Variants in MTNR1B observed in about 807,000 individuals in gnomAD.
MTNR1B encodes the protein melatonin receptor 1B.
Under a neutral mutation model 7.0 loss-of-function variants are expected in MTNR1B, and 7 were observed. The observed-to-expected ratio is 1.00, with a 90% CI of 0.57 to 1.88. MTNR1B has a LOEUF of 1.88. MTNR1B is among the 40% of genes most tolerant of loss of function. MTNR1B has a pLI of 0.00. For synonymous variants in MTNR1B, 226 were observed against 208.2 expected, an observed-to-expected ratio of 1.09 and a Z score of -0.74; for missense variants, 478 against 486.5, an observed-to-expected ratio of 0.98 and a Z score of 0.16.
At chr11:92,975,165 C>G (rs866524642) in intron 1 of MTNR1B, among the ~76,000 whole-genome samples, 18 of 152,310 alleles carry the variant, frequency 1.2e-4, no homozygotes, top group African/African-American at 3.8e-4. Context: ...AGAACCATGT[C>G]CTCACTGTAA....
chr11:92,970,090 T>A, intron 1 of MTNR1B, 142 bp downstream of exon 1: 2 of 1,201,850 alleles, frequency 1.7e-6, no homozygotes, highest in Non-Finnish European at 2.1e-6. Context: ...ATTCCTTAAG[T>A]TTGACTCTGC....
At chr11:92,978,727 A>C (rs755966235) in intron 1 of MTNR1B, among the ~76,000 whole-genome samples, 4 of 152,234 alleles carry the variant, frequency 2.6e-5, no homozygotes, top group Non-Finnish European at 4.4e-5. Flanking sequence ...TTTTAGGAAC[A>C]GCCAGAGTAA....
chr11:92,971,627 G>A (rs972457131), intron 1 of MTNR1B, among the ~76,000 whole-genome samples: 1 of 152,104 alleles, frequency 6.6e-6, no homozygotes, highest in Non-Finnish European at 1.5e-5. Flanking sequence ...CTGACTTATT[G>A]AGTATTTAGA....
rs779893016 is a variant in MTNR1B at position 92,969,836 on chromosome 11, C to T, written c.111C>T (p.Pro37=). Residue 37 remains proline, a synonymous_variant, in exon 1 of 2, where the codon CCC becomes CCT. Coordinates refer to ENST00000257068, the MANE Select transcript of MTNR1B (RefSeq NM_005959.5). Reference sequence around the variant, plus strand: ...GGCCCTCCAGGACCCCTCGACCTCCCTGGGTGGCTCCAGCGCTGTCCGCGG... The same window carrying T: ...GGCCCTCCAGGACCCCTCGACCTCCTTGGGTGGCTCCAGCGCTGTCCGCGG... The part of the protein sequence containing the change: ...SARPSRTPRP[P]WVAPALSAVL... The T allele has an allele frequency of 1.2e-6, 2 of 1,606,940 alleles. No homozygotes were observed. Among genetic ancestry groups the T allele is most frequent in the Non-Finnish European group, 1.7e-6 (2 of 1,177,834 alleles).
chr11:92,975,712 A>C (rs1292919772), intron 1 of MTNR1B, among the ~76,000 whole-genome samples: 1 of 152,224 alleles, frequency 6.6e-6, no homozygotes, highest in Non-Finnish European at 1.5e-5. Context: ...CTTAATAAGC[A>C]GCATGGTTCT....
At chr11:92,981,093 A>G (rs1042732717) in intron 1 of MTNR1B, among the ~76,000 whole-genome samples, 4 of 152,216 alleles carry the variant, frequency 2.6e-5, no homozygotes, top group African/African-American at 9.7e-5. Context: ...TGGAGCTTAA[A>G]TGGTGCAAAG....
intron 1 of MTNR1B, among the ~76,000 whole-genome samples, chr11:92,979,829 A>C (rs1160557485): frequency 6.6e-6 from 1 of 152,140 alleles, no homozygotes; most frequent in Non-Finnish European, 1.5e-5. Flanking sequence ...TCCCATCCCC[A>C]TTCGGACCAT....
At chr11:92,978,223 C>T (rs370592790) in intron 1 of MTNR1B, among the ~76,000 whole-genome samples, 1 of 152,220 alleles carries the variant, frequency 6.6e-6, no homozygotes, top group East Asian at 1.9e-4. Flanking sequence ...TAGCTCAGCA[C>T]TGGCTGGCTC....
chr11:92,971,420 T>C (rs1233299061), intron 1 of MTNR1B, among the ~76,000 whole-genome samples: 2 of 152,216 alleles, frequency 1.3e-5, no homozygotes, highest in Non-Finnish European at 2.9e-5. Flanking sequence ...CAAAATATTG[T>C]GTCCTTTGAA....
intron 1 of MTNR1B, among the ~76,000 whole-genome samples, chr11:92,975,282 G>A (rs1395102778): frequency 6.6e-6 from 1 of 152,206 alleles, no homozygotes; most frequent in African/African-American, 2.4e-5. Context: ...CAGAAGCTGT[G>A]GTCTGACAAT....
At chr11:92,974,607 A>T (rs1016631263) in intron 1 of MTNR1B, among the ~76,000 whole-genome samples, 16 of 144,148 alleles carry the variant, frequency 1.1e-4, no homozygotes, top group Admixed American at 1.1e-3. Flanking sequence ...CACCTGGCTA[A>T]TTTTTTTTTT....
At chr11:92,977,870 T>C (rs769413963) in intron 1 of MTNR1B, among the ~76,000 whole-genome samples, 1 of 152,184 alleles carries the variant, frequency 6.6e-6, no homozygotes, top group Non-Finnish European at 1.5e-5. Flanking sequence ...TTTAACACTG[T>C]TAGAAAACAT....
downstream of MTNR1B, among the ~76,000 whole-genome samples, chr11:92,983,487 TG>T (rs1858152550): frequency 7.1e-6 from 1 of 141,326 alleles, no homozygotes; most frequent in Admixed American, 7.4e-5. Context: ...TACCCCAGAC[TG>T]GGTGACAAAG....
chr11:92,972,387 A>T (rs151217753), intron 1 of MTNR1B: 5 of 456,224 alleles, frequency 1.1e-5, no homozygotes, highest in Non-Finnish European at 2.2e-5. Flanking sequence ...TATGGAGCAG[A>T]TCTGTATCAT....
rs377626851 is a variant in MTNR1B at position 92,981,549 on chromosome 11, G to A, written c.326G>A (p.Gly109Glu). The A allele has an allele frequency of 6.2e-6, 10 of 1,614,052 alleles. No individual in the cohort carries two copies. The African/African-American group carries it at 1.1e-4, about 17-fold the overall frequency. Residue 109 changes from glycine to glutamate, a missense_variant, in exon 2 of 2, where the codon GGG becomes GAG. Gly to Glu is a moderately conservative substitution (Grantham distance 98). Transcript: ENST00000257068. ...ATCTTCTATGACGGCTGGGCCCTGGGGGAGGAGCACTGCAAGGCCAGCGCC... is the reference window on the plus strand; with the variant it reads ...ATCTTCTATGACGGCTGGGCCCTGGAGGAGGAGCACTGCAAGGCCAGCGCC... Reference protein sequence around the residue: ...VAIFYDGWALGEEHCKASAFV... With the variant: ...VAIFYDGWALEEEHCKASAFV...
downstream of MTNR1B, among the ~76,000 whole-genome samples, chr11:92,983,475 T>C (rs970729173): frequency 2.0e-5 from 3 of 148,834 alleles, no homozygotes; most frequent in African/African-American, 5.0e-5. Context: ...ATTGTGCCAC[T>C]GTACCCCAGA....
intron 1 of MTNR1B, among the ~76,000 whole-genome samples, chr11:92,980,611 A>G (rs1449396100): frequency 2.0e-5 from 3 of 152,144 alleles, no homozygotes; most frequent in Admixed American, 6.5e-5. Context: ...TGGTTGACCA[A>G]GCTTGGTGAT....
In MTNR1B at chr11:92,982,215, A is replaced by C. The variant is rs986188619; in HGVS notation, c.992A>C (p.His331Pro). Residue 331 changes from histidine to proline, a missense_variant, in exon 2 of 2, where the codon CAC becomes CCC. His to Pro is a moderately conservative substitution (Grantham distance 77). Coordinates refer to ENST00000257068, the MANE Select transcript of MTNR1B (RefSeq NM_005959.5). ...CTCTTGGCCCTTTGGAACCCACGGC[A>C]CTGCATTCAAGATGCTTCCAAGGGC... ...RILLALWNPR[H>P]CIQDASKGSH... is the part of the protein sequence containing the mutation. 2.5e-6 allele frequency: 4 copies of C among 1,614,076 alleles called. No homozygotes were observed. The African/African-American group carries it at 4.0e-5, about 16-fold the overall frequency.
chr11:92,982,580 A>G lies in MTNR1B; in HGVS notation c.*268A>G. ...GTGCACACAAGACCAAGGAAAGGAC[A>G]GAATGAGGAAAGGCCTGGGGCAGAA... On this transcript the variant is annotated 3_prime_UTR_variant, in exon 2 of 2. Transcript: ENST00000257068. The G allele has an allele frequency of 4.2e-6, 2 of 476,810 alleles. No homozygotes were observed. Among genetic ancestry groups the G allele is most frequent in the South Asian group, 6.3e-5 (2 of 31,920 alleles). The allele number at this position is 476,810 out of a possible 1,614,324, so 29.5% of individuals were successfully genotyped here.
Sources: gnomAD v4.1 joint callset for allele counts (sites outside exome capture counted in the v4.1 genomes callset) on GRCh38, gnomAD v4.1.1 for gene constraint, MANE v1.5 for transcripts, NCBI Gene and HGNC (gene_info 2026-07-23, HGNC 2026-07-21) for gene names.